The following RPL4 variants were observed in gnomAD, a reference collection of about 807,000 sequenced individuals.
RPL4 encodes the protein large ribosomal subunit protein uL4.
A neutral mutation model predicts 47.7 loss-of-function variants in RPL4; 3 were observed. The observed-to-expected ratio is 0.06, with a 90% CI of 0.03 to 0.16. RPL4 has a LOEUF of 0.16. Ranked by LOEUF, RPL4 falls within the 10% of genes least tolerant of loss-of-function variation. RPL4 has a pLI of 1.00. For synonymous variants in RPL4, 208 were observed against 182.1 expected (o/e 1.14, Z -1.15); for missense variants, 413 against 551.3 (o/e 0.75, Z 2.51).
rs751525940 is a variant in RPL4, at chr15:66,500,380, A to T, written c.834-4T>A. The stretch of plus-strand genomic sequence containing the variant: ...AATCATCTTGTGCATGGGAAGACTG[A>T]AAGGGAAAAGATTGACATGTACATG... On this transcript the variant is annotated splice_region_variant and splice_polypyrimidine_tract_variant and intron_variant, in intron 7 of 9. Transcript: ENST00000307961. The T allele has an allele frequency of 1.2e-6, 2 of 1,612,552 alleles. No homozygotes were observed. Among genetic ancestry groups the T allele is most frequent in the Non-Finnish European group, 1.7e-6 (2 of 1,178,874 alleles).
At position 66,502,587 on chromosome 15, in the gene RPL4, C is replaced by A. The variant is rs1486446592; in HGVS notation, c.421+25G>T. The A allele has an allele frequency of 3.8e-6, 6 of 1,599,548 alleles. No individual in the cohort carries two copies. The Admixed American group carries it at 1.0e-4, about 28-fold the overall frequency. On this transcript the variant is annotated intron_variant, in intron 4 of 9. Transcript: ENST00000307961. ...TAGGTGTCTTATTTCTTCTATCAAA[C>A]TCTCTTATATAAAGTATTACAAACC...
Position 66,500,269 on chromosome 15 carries a change from ATTACACTCTAAGTATCAC to A in RPL4, c.917+6_917+23del. ...CCAATAGTATAGGGTTGGGGCGAGAATTACACTCTAAGTATCACTTTACCGTGGTGCTCGAAGGGCTCT... is the reference window on the plus strand; with the variant it reads ...CCAATAGTATAGGGTTGGGGCGAGAATTTACCGTGGTGCTCGAAGGGCTCT... On this transcript the variant is annotated splice_donor_region_variant and intron_variant, in intron 8 of 9. Coordinates refer to ENST00000307961, the MANE Select transcript of RPL4 (RefSeq NM_000968.4). 6.2e-7 allele frequency: 1 copy of A among 1,613,992 alleles called. No individual in the cohort carries two copies. Among genetic ancestry groups the A allele is most frequent in the Non-Finnish European group, 8.5e-7 (1 of 1,179,896 alleles).
rs1351013162 is a variant in RPL4 at position 66,498,202 on chromosome 15, T to C, written c.*1205A>G. The C allele has an allele frequency of 6.0e-6, 1 of 165,896 alleles. No homozygotes were observed. The highest frequency in any genetic ancestry group is 1.3e-5 in the Non-Finnish European group (1 of 75,828). 10.3% of individuals were successfully genotyped at this position (165,896 alleles called of 1,614,324 possible). On this transcript the variant is annotated 3_prime_UTR_variant, in exon 10 of 10. Coordinates refer to ENST00000307961, the MANE Select transcript of RPL4 (RefSeq NM_000968.4). Reference sequence around the variant, plus strand: ...CAGTAGCACATGAACTCTACTGTGTTAAGAGGCCCTGCAGGGTAGGACTCA... The same window carrying C: ...CAGTAGCACATGAACTCTACTGTGTCAAGAGGCCCTGCAGGGTAGGACTCA...
In RPL4 at chr15:66,504,692, G is replaced by A. The variant is rs143782666; in HGVS notation, c.3+96C>T. 185 of 1,537,920 alleles carry A rather than the reference G, an allele frequency of 1.2e-4. No individual in the cohort carries two copies. The East Asian group carries it at 3.7e-3, about 31-fold the overall frequency. ...CTTTGGTCCTCATCTCCCTCTCCTC[G>A]CTCTATCTCCTACAGATTCTATGCT... is the stretch of plus-strand genomic sequence containing the variant. On this transcript the variant is annotated intron_variant, in intron 1 of 9. Coordinates refer to ENST00000307961, the MANE Select transcript of RPL4 (RefSeq NM_000968.4).
intron 1 of RPL4, among the ~76,000 whole-genome samples, 158 bp from the exon 2 acceptor site, chr15:66,503,687 C>G (rs776292954): frequency 6.6e-6 from 1 of 152,178 alleles, no homozygotes; most frequent in Non-Finnish European, 1.5e-5. Flanking sequence ...GACTAGAACC[C>G]TTAGAATCTC....
intron 4 of RPL4, chr15:66,502,190 G>A (rs373594505): frequency 5.7e-6 from 3 of 522,158 alleles, no homozygotes; most frequent in African/African-American, 1.9e-5. Context: ...CCCCAGTTAC[G>A]CTAGTATTCC....
chr15:66,503,911 T>C (rs145350484), intron 1 of RPL4, among the ~76,000 whole-genome samples: 1 of 152,176 alleles, frequency 6.6e-6, no homozygotes, highest in African/African-American at 2.4e-5. Context: ...ACTAAACACG[T>C]GTTTCCAAAG....
chr15:66,499,694 G>T (rs529191889), intron 9 of RPL4, 42 bp from the exon 10 acceptor site: 1 of 1,609,010 alleles, frequency 6.2e-7, no homozygotes, highest in East Asian at 2.2e-5. Flanking sequence ...TCAAATCCCT[G>T]TAAGAACTTA....
At chr15:66,501,311 C>A (rs752354297) in intron 6 of RPL4, 64 bp downstream of exon 6, 5 of 1,609,366 alleles carry the variant, frequency 3.1e-6, no homozygotes, top group African/African-American at 1.3e-5. Flanking sequence ...GGAATCTCAT[C>A]ATAACAAAAG....
At chr15:66,502,094 G>T in intron 4 of RPL4, 182 bp from the exon 5 acceptor site, 1 of 880,290 alleles carries the variant, frequency 1.1e-6, no homozygotes, top group Non-Finnish European at 1.9e-6. Flanking sequence ...CATTTTGACA[G>T]TTAAATAAAA....
Position 66,500,947 on chromosome 15 carries a change from A to G in RPL4, c.833+2T>C. On this transcript the variant is annotated splice_donor_variant, in intron 7 of 9. Coordinates refer to ENST00000307961, the MANE Select transcript of RPL4 (RefSeq NM_000968.4). LOFTEE classifies it high-confidence loss of function. ...TGTGCTTAGTATATGAAAGATACTTACTTGTAGTTACTCTTGAGGGAAGCG... is the reference window on the plus strand; with the variant it reads ...TGTGCTTAGTATATGAAAGATACTTGCTTGTAGTTACTCTTGAGGGAAGCG... 2.5e-6 allele frequency: 4 copies of G among 1,613,504 alleles called. No individual in the cohort carries two copies. The highest frequency in any genetic ancestry group is 2.2e-5 in the East Asian group (1 of 44,890).
Position 66,499,469 on chromosome 15 carries a change from C to T in RPL4, c.1222G>A (p.Ala408Thr). The T allele has an allele frequency of 1.2e-6, 2 of 1,611,988 alleles. No homozygotes were observed. The highest frequency in any genetic ancestry group is 1.3e-5 in the African/African-American group (1 of 74,950). ...GKKAAATKKP[A>T]PEKKPAEKKP... is the part of the protein sequence containing the mutation. ...TTCTCTGCAGGCTTCTTTTCAGGGG[C>T]TGGTTTCTTGGTAGCTGCTGCCTTT... The change falls in exon 10 of 10, where the codon GCC becomes ACC. Residue 408 changes from alanine (A) to threonine (T), a missense_variant. Coordinates refer to ENST00000307961, the MANE Select transcript of RPL4 (RefSeq NM_000968.4).
chr15:66,499,335 A>T lies in RPL4; in HGVS notation c.*72T>A. On this transcript the variant is annotated 3_prime_UTR_variant, in exon 10 of 10. Coordinates refer to ENST00000307961, the MANE Select transcript of RPL4 (RefSeq NM_000968.4). ...CCAAGTCATGTTTCTCACTGCCTGT[A>T]TAATCAGGTCTTTATTCAAAAGAAG... 1 of 1,520,800 alleles carries T rather than the reference A, an allele frequency of 6.6e-7. No individual in the cohort carries two copies. The highest frequency in any genetic ancestry group is 1.3e-5 in the South Asian group (1 of 78,842). The allele number at this position is 1,520,800 out of a possible 1,614,324, so 94.2% of individuals were successfully genotyped here.
rs758511215 is a variant in RPL4, at chr15:66,502,033, CCA to C, written c.422-123_422-122del. ...TATTCCGTTTGCCAAGTCAGAATTTCCACAAATATCATGTGTTTCAGAAACAC... is the reference window on the plus strand; with the variant it reads ...TATTCCGTTTGCCAAGTCAGAATTTCCAAATATCATGTGTTTCAGAAACAC... On this transcript the variant is annotated intron_variant, in intron 4 of 9. Transcript: ENST00000307961. 5.5e-6 allele frequency: 7 copies of C among 1,263,114 alleles called. No individual in the cohort carries two copies. In the African/African-American group the frequency reaches 8.8e-5, roughly 16 times the overall value. The allele number at this position is 1,263,114 out of a possible 1,614,324, so 78.2% of individuals were successfully genotyped here.
intron 6 of RPL4, 125 bp downstream of exon 6, chr15:66,501,250 T>C (rs1375675818): frequency 9.6e-6 from 15 of 1,563,738 alleles, no homozygotes; most frequent in East Asian, 2.2e-5. Flanking sequence ...CTTTCAGCCA[T>C]AAATCAGAAC....
At chr15:66,502,270 T>G (rs758830603) in intron 4 of RPL4, 55 of 379,982 alleles carry the variant, frequency 1.4e-4, no homozygotes, top group Non-Finnish European at 2.3e-4. Flanking sequence ...AATCAGACAC[T>G]TCAGAATGAA....
At position 66,499,630 on chromosome 15, in the gene RPL4, G is replaced by T; in HGVS notation, c.1061C>A (p.Ala354Glu). Residue 354 changes from alanine to glutamate, a missense_variant, in exon 10 of 10, where the codon GCA becomes GAA. Physicochemically the swap from Ala to Glu is moderately radical, Grantham distance 107. This residue lies in a region of RPL4 where 134 missense variants were observed against 122.7 expected (regional missense o/e 1.09). Coordinates refer to ENST00000307961, the MANE Select transcript of RPL4 (RefSeq NM_000968.4). ...ARNHKLRVDK[A>E]AAAAAALQAK... ...TTGTAGTGCCGCTGCTGCAGCAGCT[G>T]CCTTATCCACCCGGAGCTTGTGCTG... 3 of 1,613,974 alleles carry T rather than the reference G, an allele frequency of 1.9e-6. No individual in the cohort carries two copies. Among genetic ancestry groups the T allele is most frequent in the Non-Finnish European group, 2.5e-6 (3 of 1,179,870 alleles).
chr15:66,503,515 T>C lies in RPL4; in HGVS notation c.18A>G (p.Pro6=). Residue 6 remains proline (P), a synonymous_variant, in exon 2 of 10, where the codon CCA becomes CCG. Transcript: ENST00000307961. ...CCTTTTCGGAGTACACCGATATCAG[T>C]GGGCGAGCACACGCCTAAAGAAAAA... MACAR[P]LISVYSEKGE... is the part of the protein sequence containing the mutation. 6.2e-7 allele frequency: 1 copy of C among 1,602,256 alleles called. No individual in the cohort carries two copies. The highest frequency in any genetic ancestry group is 1.1e-5 in the South Asian group (1 of 90,352).
At chr15:66,502,404 C>T (rs1398872743) in intron 4 of RPL4, 1 of 575,576 alleles carries the variant, frequency 1.7e-6, no homozygotes, top group Non-Finnish European at 3.0e-6. Flanking sequence ...TTCTGGAGTA[C>T]ATTTGATAAC....
Sources: gnomAD v4.1 joint callset for allele counts (sites outside exome capture counted in the v4.1 genomes callset) on GRCh38, gnomAD v4.1.1 for gene constraint, gnomAD v4.1.1 regional missense constraint, MANE v1.5 for transcripts, NCBI Gene and HGNC (gene_info 2026-07-23, HGNC 2026-07-21) for gene names.